Variants in TASP1 observed in about 807,000 individuals in gnomAD.
TASP1 encodes the protein taspase 1, also known as threonine aspartase 1.
Under a neutral mutation model 56.6 loss-of-function variants are expected in TASP1, and 16 were observed. That is an observed-to-expected ratio of 0.28 (90% confidence interval 0.19 to 0.43). The LOEUF (loss-of-function observed/expected upper bound fraction) is 0.43. TASP1 is among the 20% of genes least tolerant of loss of function. TASP1 has a pLI of 1.00. For missense variants in TASP1, 393 were observed against 511.6 expected (o/e 0.77, Z 2.24); for synonymous variants, 179 against 184.2 (o/e 0.97, Z 0.23).
the TASP1 span, among the ~76,000 whole-genome samples, chr20:13,267,562 C>T: frequency 2.6e-5 from 4 of 152,100 alleles, no homozygotes; most frequent in Admixed American, 1.3e-4. Context: ...GCAAAGTCCT[C>T]GAGTCCTAGA....
At chr20:13,394,055 C>T (rs1034717612) in intron 13 of TASP1, among the ~76,000 whole-genome samples, 14 of 151,546 alleles carry the variant, frequency 9.2e-5, no homozygotes, top group African/African-American at 4.9e-5. Context: ...CTGAGGCAGG[C>T]GGATCCCCCG....
At chr20:13,574,770 A>G (rs1357080555) in intron 6 of TASP1, among the ~76,000 whole-genome samples, 1 of 152,218 alleles carries the variant, frequency 6.6e-6, no homozygotes, top group Non-Finnish European at 1.5e-5. Flanking sequence ...ACTTGAAGAT[A>G]GCAATAGAAA....
chr20:13,155,328 A>T, the TASP1 span, among the ~76,000 whole-genome samples: 3 of 152,182 alleles, frequency 2.0e-5, no homozygotes, highest in African/African-American at 7.2e-5. Flanking sequence ...AATGTAACCC[A>T]TTGCTGGAAC....
chr20:13,618,150 C>T (rs2048586391), intron 4 of TASP1, among the ~76,000 whole-genome samples: 1 of 152,122 alleles, frequency 6.6e-6, no homozygotes, highest in Admixed American at 6.5e-5. Context: ...TGGCTCACAC[C>T]TGTCATCCCA....
the TASP1 span, among the ~76,000 whole-genome samples, chr20:13,360,805 G>A: frequency 5.1e-3 from 774 of 152,138 alleles, 7 homozygotes; most frequent in African/African-American, 0.018. Flanking sequence ...ACTTCAATCC[G>A]GCCTCCCACA....
chr20:13,349,396 T>C, the TASP1 span, among the ~76,000 whole-genome samples: 1 of 152,234 alleles, frequency 6.6e-6, no homozygotes, highest in Non-Finnish European at 1.5e-5. Context: ...TAGAAAAGTT[T>C]ATTTTGATTT....
chr20:13,594,022 A>G (rs972181911), intron 4 of TASP1, among the ~76,000 whole-genome samples: 5 of 152,190 alleles, frequency 3.3e-5, no homozygotes, highest in Non-Finnish European at 5.9e-5. Flanking sequence ...TCAGGTAGCA[A>G]TATTTGCCAT....
intron 13 of TASP1, among the ~76,000 whole-genome samples, chr20:13,412,540 CT>C (rs2042125345): frequency 1.3e-5 from 2 of 152,156 alleles, no homozygotes; most frequent in Admixed American, 1.3e-4. Context: ...TTTCTTTGCA[CT>C]TCTTTTGATA....
At chr20:13,159,885 A>T in the TASP1 span, 6 of 1,355,996 alleles carry the variant, frequency 4.4e-6, no homozygotes, top group Non-Finnish European at 5.9e-6. Flanking sequence ...ACTTATTATC[A>T]TAAAAAAGAA....
At chr20:13,117,618 C>T in the TASP1 span, 15 of 1,613,910 alleles carry the variant, frequency 9.3e-6, no homozygotes, top group East Asian at 2.2e-5. Flanking sequence ...CCCAACCGGC[C>T]GGGGTGTCAC....
chr20:13,345,417 C>G, the TASP1 span, among the ~76,000 whole-genome samples: 78 of 152,286 alleles, frequency 5.1e-4, no homozygotes, highest in African/African-American at 1.7e-3. Context: ...GCTCGCAAGG[C>G]AATGGAGAAG....
At chr20:13,577,478 T>A (rs988196699) in intron 6 of TASP1, among the ~76,000 whole-genome samples, 4 of 152,162 alleles carry the variant, frequency 2.6e-5, no homozygotes, top group African/African-American at 9.7e-5. Context: ...AAAAATTCAT[T>A]TGTTGAAACC....
the TASP1 span, among the ~76,000 whole-genome samples, chr20:13,321,383 A>G: frequency 1.3e-5 from 2 of 152,060 alleles, no homozygotes; most frequent in Non-Finnish European, 2.9e-5. Context: ...TCTTACAGCT[A>G]GTGTGGTAGA....
At chr20:13,173,189 A>C in the TASP1 span, among the ~76,000 whole-genome samples, 1 of 152,208 alleles carries the variant, frequency 6.6e-6, no homozygotes, top group East Asian at 1.9e-4. Context: ...CCAAGATCTC[A>C]GGGGAGCATC....
the TASP1 span, among the ~76,000 whole-genome samples, chr20:13,359,099 C>T: frequency 1.4e-5 from 2 of 147,994 alleles, no homozygotes; most frequent in Non-Finnish European, 3.0e-5. Context: ...CTTATCTCTG[C>T]ACCCCAATCG....
the TASP1 span, among the ~76,000 whole-genome samples, chr20:13,184,022 C>T: frequency 7.1e-6 from 1 of 140,434 alleles, no homozygotes; most frequent in Non-Finnish European, 1.5e-5. Flanking sequence ...GAGTGAGACT[C>T]TGTCTCAAAA....
chr20:13,417,499 C>T lies in TASP1; in HGVS notation c.1119G>A (p.Thr373=), dbSNP rs1167815367. ...TATATCCGACACACATGCTCTCCGT[C>T]GTGTGGCTCCACAGAAATTCCACTG... is the stretch of plus-strand genomic sequence containing the variant. The part of the protein sequence containing the change: ...TLLVEFLWSH[T]TESMCVGYMS... Residue 373 remains threonine (T), a synonymous_variant, in exon 13 of 14, where the codon ACG becomes ACA. Coordinates refer to ENST00000337743, the MANE Select transcript of TASP1 (RefSeq NM_017714.3). 1.9e-6 allele frequency: 3 copies of T among 1,614,148 alleles called. No individual in the cohort carries two copies. The highest frequency in any genetic ancestry group is 2.5e-6 in the Non-Finnish European group (3 of 1,180,000).
the TASP1 span, among the ~76,000 whole-genome samples, chr20:13,191,294 G>A: frequency 1.4e-4 from 21 of 152,174 alleles, no homozygotes; most frequent in African/African-American, 4.8e-4. Flanking sequence ...GCATTCCCAT[G>A]TTTATTGCAG....
the TASP1 span, among the ~76,000 whole-genome samples, chr20:13,253,039 G>A: frequency 6.6e-6 from 1 of 152,204 alleles, no homozygotes. Context: ...ATGGACCTGT[G>A]TGGCTTAATT....
Sources: gnomAD v4.1 joint callset for allele counts (sites outside exome capture counted in the v4.1 genomes callset) on GRCh38, gnomAD v4.1.1 for gene constraint, MANE v1.5 for transcripts, NCBI Gene and HGNC (gene_info 2026-07-23, HGNC 2026-07-21) for gene names.